ROBO1: variants seen among roughly 807,000 people sequenced by gnomAD.
The protein encoded by ROBO1 is roundabout guidance receptor 1.
Under a neutral mutation model 195.9 loss-of-function variants are expected in ROBO1, and 149 were observed. The ratio of observed to expected loss-of-function variants is 0.76; its 90% CI spans 0.67 to 0.87. ROBO1 has a LOEUF of 0.87. ROBO1 is among the 40% of genes least tolerant of loss of function. ROBO1 has a pLI of 0.00. For synonymous variants in ROBO1, 816 were observed against 733.2 expected, an observed-to-expected ratio of 1.11 and a Z score of -1.82; for missense variants, 1,933 against 2,068.3, an observed-to-expected ratio of 0.93 and a Z score of 1.27.
chr3:78,804,883 T>C (rs2084488148), intron 4 of ROBO1, among the ~76,000 whole-genome samples: 1 of 152,176 alleles, frequency 6.6e-6, no homozygotes, highest in African/African-American at 2.4e-5. Context: ...GTTGGGTTCA[T>C]CTGCTTCAGG....
chr3:78,998,896 A>C (rs1367088760), intron 3 of ROBO1, among the ~76,000 whole-genome samples: 1 of 152,082 alleles, frequency 6.6e-6, no homozygotes, highest in Non-Finnish European at 1.5e-5. Context: ...CACATAGTTA[A>C]AGGCAGTCTA....
intron 1 of ROBO1, among the ~76,000 whole-genome samples, chr3:79,673,672 GC>G: frequency 6.6e-6 from 1 of 151,946 alleles, no homozygotes; most frequent in Non-Finnish European, 1.5e-5. Context: ...TTTTTGAATA[GC>G]AAGAATAACT....
At chr3:78,918,657 C>T (rs2038770279) in intron 4 of ROBO1, among the ~76,000 whole-genome samples, 4 of 152,176 alleles carry the variant, frequency 2.6e-5, no homozygotes, top group Admixed American at 2.6e-4. Flanking sequence ...CAATTAGATT[C>T]TGGCTTTCTT....
intron 4 of ROBO1, among the ~76,000 whole-genome samples, chr3:78,860,302 CTATATATA>C (rs1200780060): frequency 9.5e-6 from 1 of 104,752 alleles, no homozygotes; most frequent in Non-Finnish European, 1.8e-5. Flanking sequence ...TTGAAATATA[CTATATATA>C]TATATATATA....
intron 4 of ROBO1, among the ~76,000 whole-genome samples, chr3:78,860,326 A>ATATATATATATTTTTT (rs376853384): frequency 2.1e-5 from 2 of 93,506 alleles, no homozygotes; most frequent in African/African-American, 9.0e-5. Context: ...ATATATATAT[A>ATATATATATATTTTTT]TTTTTTTTTT....
chr3:79,336,742 T>C (rs895937789), intron 2 of ROBO1, among the ~76,000 whole-genome samples: 17 of 152,112 alleles, frequency 1.1e-4, no homozygotes, highest in African/African-American at 4.1e-4. Context: ...GGTAGATACA[T>C]TGACAGCTTG....
intron 1 of ROBO1, among the ~76,000 whole-genome samples, chr3:79,706,913 T>C (rs1947790187): frequency 6.6e-6 from 1 of 152,156 alleles, no homozygotes; most frequent in African/African-American, 2.4e-5. Context: ...TTGCTAATAT[T>C]TTGGTGAGGA....
intron 4 of ROBO1, among the ~76,000 whole-genome samples, chr3:78,792,034 G>A (rs183371202): frequency 3.8e-4 from 58 of 152,278 alleles, no homozygotes; most frequent in African/African-American, 1.4e-3. Context: ...TTCAGGCTGT[G>A]CTACAGGGGA....
chr3:79,400,520 C>A (rs1322116801), intron 2 of ROBO1, among the ~76,000 whole-genome samples: 5 of 151,956 alleles, frequency 3.3e-5, no homozygotes, highest in African/African-American at 7.2e-5. Flanking sequence ...AACCTAAATG[C>A]AAATTTTCAT....
At chr3:78,636,176 C>A (rs1281614471) in intron 22 of ROBO1, 68 bp from the exon 23 acceptor site, 1 of 1,145,922 alleles carries the variant, frequency 8.7e-7, no homozygotes, top group Non-Finnish European at 1.2e-6. Context: ...TTTCTTTTTA[C>A]GTAGCTTTGC....
At chr3:79,548,288 TC>T (rs1222413848) in intron 2 of ROBO1, among the ~76,000 whole-genome samples, 1 of 152,182 alleles carries the variant, frequency 6.6e-6, no homozygotes, top group Admixed American at 6.5e-5. Context: ...TTGGAAAAGT[TC>T]CATTAATTAA....
At chr3:79,017,986 C>T (rs375583153) in intron 3 of ROBO1, among the ~76,000 whole-genome samples, 2 of 152,150 alleles carry the variant, frequency 1.3e-5, no homozygotes, top group African/African-American at 4.8e-5. Context: ...GGCAAGCCTG[C>T]GGGCCACAAG....
intron 2 of ROBO1, among the ~76,000 whole-genome samples, chr3:79,583,709 C>G (rs1311173135): frequency 5.9e-5 from 9 of 151,412 alleles, no homozygotes; most frequent in Non-Finnish European, 1.2e-4. Flanking sequence ...TAAAGATATC[C>G]ACATTAGCAT....
At chr3:78,905,347 T>C (rs756147557) in intron 4 of ROBO1, among the ~76,000 whole-genome samples, 22 of 152,100 alleles carry the variant, frequency 1.4e-4, no homozygotes, top group Non-Finnish European at 2.1e-4. Flanking sequence ...ATTACAACTC[T>C]GCTGATGGGA....
intron 8 of ROBO1, among the ~76,000 whole-genome samples, chr3:78,695,970 T>C (rs1443589670): frequency 6.6e-6 from 1 of 152,102 alleles, no homozygotes; most frequent in African/African-American, 2.4e-5. Flanking sequence ...GAATAAATTA[T>C]AGGAATTTAT....
intron 2 of ROBO1, among the ~76,000 whole-genome samples, chr3:79,483,256 T>C (rs375942831): frequency 1.3e-5 from 2 of 152,074 alleles, no homozygotes; most frequent in East Asian, 3.9e-4. Flanking sequence ...AAATGAAAGA[T>C]TGTTAATTCT....
rs2080594490 is a variant in ROBO1 at position 79,144,264 on chromosome 3, GT to G, written c.89-18726del. 2.0e-5 allele frequency among the ~76,000 whole-genome samples: 3 copies of G among 152,140 alleles called. No individual in the cohort carries two copies. The South Asian group carries it at 6.2e-4, about 32-fold the overall frequency. ...AGTATTTAAAAGAACTGCCAAAATT[GT>G]TTTCCAGAGTGTCTCACAATCAGCC... On this transcript the variant is annotated intron_variant, in intron 2 of 30. Coordinates refer to ENST00000464233, the MANE Select transcript of ROBO1 (RefSeq NM_002941.4).
chr3:79,030,415 C>G (rs2078273901), intron 3 of ROBO1, among the ~76,000 whole-genome samples: 1 of 152,134 alleles, frequency 6.6e-6, no homozygotes, highest in Non-Finnish European at 1.5e-5. Context: ...AGTATCTAGA[C>G]TGAGTAACTC....
intron 1 of ROBO1, among the ~76,000 whole-genome samples, chr3:79,749,627 C>T (rs1050262679): frequency 1.8e-4 from 28 of 152,176 alleles, no homozygotes; most frequent in Non-Finnish European, 3.1e-4. Context: ...GCCCCGTGTT[C>T]CAGCAACTCC....
Sources: gnomAD v4.1 joint callset for allele counts (sites outside exome capture counted in the v4.1 genomes callset) on GRCh38, gnomAD v4.1.1 for gene constraint, MANE v1.5 for transcripts, NCBI Gene and HGNC (gene_info 2026-07-23, HGNC 2026-07-21) for gene names.